Variants in UTY observed in about 807,000 individuals in gnomAD.
UTY encodes the protein ubiquitously transcribed tetratricopeptide repeat containing, Y-linked.
Under a neutral mutation model 32.5 loss-of-function variants are expected in UTY, and 12 were observed. That is an observed-to-expected ratio of 0.37 (90% CI 0.24 to 0.60). UTY has a LOEUF of 0.60. Ranked by LOEUF, UTY falls within the 20% of genes least tolerant of loss-of-function variation. UTY has a pLI of 0.69. For missense variants in UTY, 303 were observed against 299.2 expected (o/e 1.01, Z -0.09); for synonymous variants, 131 against 103.4 (o/e 1.27, Z -1.62).
intron 23 of UTY, 90 bp downstream of exon 23, chrY:13,305,948 G>GA (rs2058654593): frequency 3.4e-5 from 9 of 261,917 alleles, no homozygotes; most frequent in African/African-American, 8.0e-5. Flanking sequence ...ATTAGGAATA[G>GA]AAAAAAAACA....
intron 28 of UTY, among the ~76,000 whole-genome samples, chrY:13,254,811 G>A (rs1396164457): frequency 1.8e-4 from 6 of 33,694 alleles, no homozygotes; most frequent in Non-Finnish European, 3.7e-4. Flanking sequence ...GGAAAGCAGA[G>A]CCAGGAGAGC....
chrY:13,292,754 A>G (rs2057830552), intron 27 of UTY, among the ~76,000 whole-genome samples: 3 of 33,148 alleles, frequency 9.1e-5, no homozygotes, highest in East Asian at 7.9e-4. Context: ...AAAAATACCT[A>G]TTTTCCAAAA....
intron 2 of UTY, chrY:13,479,018 T>C: frequency 8.5e-6 from 1 of 117,949 alleles, no homozygotes; most frequent in Non-Finnish European, 1.6e-5. Context: ...GCATGTGGTG[T>C]AGACCCGGTT....
chrY:13,414,688 C>A, intron 5 of UTY, 47 bp downstream of exon 5: 1 of 322,444 alleles, frequency 3.1e-6, no homozygotes, highest in Non-Finnish European at 4.5e-6. Flanking sequence ...TGGTTACAGA[C>A]ATTAAAATCA....
intron 28 of UTY, 50 bp from the exon 29 acceptor site, chrY:13,251,237 A>G: frequency 3.6e-6 from 1 of 275,990 alleles, no homozygotes; most frequent in Non-Finnish European, 5.1e-6. Context: ...TGATATCTGA[A>G]TTTATTTCAG....
chrY:13,286,060 G>C, intron 27 of UTY, among the ~76,000 whole-genome samples: 1 of 33,848 alleles, frequency 3.0e-5, no homozygotes. Flanking sequence ...ACTAGGAGCT[G>C]TACATGGATG....
At chrY:13,396,306 A>C (rs2068222691) in intron 7 of UTY, 2 of 33,515 alleles carry the variant, frequency 6.0e-5, no homozygotes. Context: ...TCAAATAGGT[A>C]AAAAATTGAC....
At chrY:13,255,960 G>A in intron 28 of UTY, among the ~76,000 whole-genome samples, 1 of 32,511 alleles carries the variant, frequency 3.1e-5, no homozygotes, top group Admixed American at 2.8e-4. Context: ...GCCCCCACTC[G>A]AGAAATATTA....
At chrY:13,311,088 CA>C (rs747138715) in intron 21 of UTY, among the ~76,000 whole-genome samples, 1 of 19,318 alleles carries the variant, frequency 5.2e-5, no homozygotes, top group Non-Finnish European at 1.2e-4. Context: ...ACTCCGTCCC[CA>C]AAAAAAAAAA....
At chrY:13,330,265 T>A in intron 18 of UTY, among the ~76,000 whole-genome samples, 1 of 30,344 alleles carries the variant, frequency 3.3e-5, no homozygotes, top group Non-Finnish European at 8.1e-5. Flanking sequence ...ACAGCTCCAG[T>A]CGGCAGCTCC....
At chrY:13,285,122 C>T in intron 27 of UTY, among the ~76,000 whole-genome samples, 1 of 34,061 alleles carries the variant, frequency 2.9e-5, no homozygotes, top group Non-Finnish European at 7.3e-5. Context: ...TCCTTGGAGA[C>T]CTGAAGGGAT....
At chrY:13,289,909 C>T in intron 27 of UTY, among the ~76,000 whole-genome samples, 1 of 30,165 alleles carries the variant, frequency 3.3e-5, no homozygotes, top group East Asian at 8.2e-4. Context: ...TATGGCAATA[C>T]AAAAATATAG....
chrY:13,261,088 G>A, intron 27 of UTY, among the ~76,000 whole-genome samples: 1 of 33,324 alleles, frequency 3.0e-5, no homozygotes, highest in Non-Finnish European at 7.4e-5. Context: ...GCTCAAAACT[G>A]CCTGCTAAAG....
intron 10 of UTY, among the ~76,000 whole-genome samples, chrY:13,363,772 T>C: frequency 5.9e-5 from 2 of 33,917 alleles, no homozygotes; most frequent in Non-Finnish European, 1.5e-4. Flanking sequence ...TAACAGTATA[T>C]AACAGTGCCG....
chrY:13,467,595 C>T (rs2078033287), intron 3 of UTY, among the ~76,000 whole-genome samples: 1 of 31,991 alleles, frequency 3.1e-5, no homozygotes, highest in African/African-American at 1.2e-4. Flanking sequence ...ATGTTAAAAC[C>T]CCATCTCTAC....
chrY:13,477,440 T>C (rs926180659), intron 2 of UTY, among the ~76,000 whole-genome samples: 1 of 33,366 alleles, frequency 3.0e-5, no homozygotes, highest in Non-Finnish European at 7.4e-5. Context: ...TTCAGAATCC[T>C]GAGCCAAATG....
At chrY:13,267,698 A>G (rs2055946881) in intron 27 of UTY, among the ~76,000 whole-genome samples, 4 of 33,442 alleles carry the variant, frequency 1.2e-4, no homozygotes, top group African/African-American at 4.7e-4. Context: ...AGCTCTTTTA[A>G]GGCAGGCCTG....
intron 27 of UTY, among the ~76,000 whole-genome samples, chrY:13,280,259 T>C (rs2056930316): frequency 6.1e-5 from 2 of 32,939 alleles, no homozygotes; most frequent in African/African-American, 1.2e-4. Context: ...CATGGTGGCA[T>C]GTGCCTGGAG....
chrY:13,390,358 T>C (rs2067409548), intron 8 of UTY, among the ~76,000 whole-genome samples: 1 of 33,338 alleles, frequency 3.0e-5, no homozygotes. Flanking sequence ...TTATCCCCAA[T>C]AGAGTATGAT....
Sources: gnomAD v4.1 joint callset for allele counts (sites outside exome capture counted in the v4.1 genomes callset) on GRCh38, gnomAD v4.1.1 for gene constraint, MANE v1.5 for transcripts, NCBI Gene and HGNC (gene_info 2026-07-23, HGNC 2026-07-21) for gene names.